Variants in TASOR2 observed in about 807,000 individuals in gnomAD.
TASOR2 encodes the protein protein TASOR 2.
Under a neutral mutation model 199.5 loss-of-function variants are expected in TASOR2, and 84 were observed. That is an observed-to-expected ratio of 0.42 (90% confidence interval 0.35 to 0.50). TASOR2 has a LOEUF of 0.50. Ranked by LOEUF, TASOR2 falls within the 20% of genes least tolerant of loss-of-function variation. The pLI, the probability that TASOR2 is intolerant of heterozygous loss-of-function variation, is 0.02. For missense variants in TASOR2, 2,796 were observed against 2,835.9 expected (o/e 0.99, Z 0.32); for synonymous variants, 1,103 against 1,046.6 (o/e 1.05, Z -1.04).
intron 7 of TASOR2, among the ~76,000 whole-genome samples, chr10:5,724,189 A>AGTAT (rs536913993): frequency 0.85 from 128,832 of 151,732 alleles, 54,772 homozygotes; most frequent in African/African-American, 0.88. Flanking sequence ...TTATTCATGT[A>AGTAT]GTATTTGTAT....
At chr10:5,714,536 T>C (rs1293421182) in intron 2 of TASOR2, 2 of 185,224 alleles carry the variant, frequency 1.1e-5, no homozygotes, top group African/African-American at 2.3e-5. Flanking sequence ...TATAAGCTTT[T>C]AAACTTACAC....
In TASOR2 at chr10:5,689,835, T is replaced by C. The variant is rs924665712; in HGVS notation, c.-288+4660T>C. 6.6e-6 allele frequency among the ~76,000 whole-genome samples: 1 copy of C among 152,204 alleles called. No homozygotes were observed. Among genetic ancestry groups the C allele is most frequent in the Non-Finnish European group, 1.5e-5 (1 of 68,042 alleles). On this transcript the variant is annotated intron_variant, in intron 1 of 20. Coordinates refer to ENST00000328090, the Ensembl canonical transcript of TASOR2. This position sits in a 1 kb window ranked among gnomAD's most constrained non-coding sequence, Gnocchi z 4.1. The stretch of plus-strand genomic sequence containing the variant: ...CACAGCTTCCCCAACAGACATACAT[T>C]GCCAAACTTGTGGATTTTTGATAAT...
intron 10 of TASOR2, among the ~76,000 whole-genome samples, chr10:5,728,516 G>C (rs1834358639): frequency 6.6e-6 from 1 of 151,764 alleles, no homozygotes; most frequent in African/African-American, 2.4e-5. Flanking sequence ...TGTGCCTCTA[G>C]TTCCAGCTAC....
rs1226936839 is a variant in TASOR2 at position 5,726,881 on chromosome 10, T to C, written c.352-4T>C. On this transcript the variant is annotated splice_polypyrimidine_tract_variant and splice_region_variant and intron_variant, in intron 8 of 20. Transcript: ENST00000328090. Reference sequence around the variant, plus strand: ...TTCAGTTGAATTTTTCCTTTTTATTTAAGGCAATCATCAAATGCTTAGAAG... The same window carrying C: ...TTCAGTTGAATTTTTCCTTTTTATTCAAGGCAATCATCAAATGCTTAGAAG... 1 of 1,613,014 alleles carries C rather than the reference T, an allele frequency of 6.2e-7. No homozygotes were observed. Among genetic ancestry groups the C allele is most frequent in the Admixed American group, 1.7e-5 (1 of 60,018 alleles).
intron 1 of TASOR2, chr10:5,712,284 G>A (rs1588676996): frequency 5.5e-6 from 4 of 730,516 alleles, no homozygotes; most frequent in Non-Finnish European, 5.6e-6. Context: ...ATATTTCTTA[G>A]TTATATAGGA....
At position 5,742,562 on chromosome 10, in the gene TASOR2, A is replaced by G. The variant is rs370727327; in HGVS notation, c.2757+36A>G. On this transcript the variant is annotated intron_variant, in intron 14 of 20. Coordinates refer to ENST00000328090, the Ensembl canonical transcript of TASOR2. This position sits in a 1 kb window ranked among gnomAD's most constrained non-coding sequence, Gnocchi z 4.2. The stretch of plus-strand genomic sequence containing the variant: ...CTGAATACCGTTAAATGTTGGCATT[A>G]TTTTTGAAGAAAAAAATGTTTATAT... 74 of 1,547,290 alleles carry G rather than the reference A, an allele frequency of 4.8e-5. No individual in the cohort carries two copies. In the African/African-American group the frequency reaches 8.9e-4, roughly 19 times the overall value.
chr10:5,708,110 CAT>C (rs1831360912), intron 1 of TASOR2, among the ~76,000 whole-genome samples: 1 of 152,148 alleles, frequency 6.6e-6, no homozygotes. Context: ...TTTTGTGAAG[CAT>C]ATGAAAATCC....
At chr10:5,749,360 T>A (rs543998748) in exon 15 of TASOR2, 1 of 1,614,242 alleles carries the variant, frequency 6.2e-7, no homozygotes, top group East Asian at 2.2e-5. Flanking sequence ...CTGGAGTATC[T>A]GCGTTTTGCA....
chr10:5,688,312 A>T (rs563384441), intron 1 of TASOR2, among the ~76,000 whole-genome samples: 1 of 151,410 alleles, frequency 6.6e-6, no homozygotes, highest in Non-Finnish European at 1.5e-5. Context: ...ACAGCCTCCA[A>T]CTCCTGGGTT....
chr10:5,762,983 T>G (rs752551016), intron 20 of TASOR2, 46 bp from the exon 22 acceptor site: 1 of 1,577,562 alleles, frequency 6.3e-7, no homozygotes, highest in Non-Finnish European at 8.7e-7. Flanking sequence ...ATATTTCTTG[T>G]TCGTATTATT....
chr10:5,688,840 C>CA (rs990465685), intron 1 of TASOR2, among the ~76,000 whole-genome samples: 2,405 of 138,022 alleles, frequency 0.017, 63 homozygotes, highest in African/African-American at 0.056. Flanking sequence ...CCCATCTTTA[C>CA]AAAAAAAAAA....
rs1250547736 is a variant in TASOR2 at position 5,699,340 on chromosome 10, A to T, written c.-287-13483A>T. The T allele has an allele frequency of 6.6e-6, 1 of 152,102 alleles. No homozygotes were observed. The highest frequency in any genetic ancestry group is 2.1e-4 in the South Asian group (1 of 4,828). The allele number at this position is 152,102 out of a possible 1,614,324, so 9.4% of individuals were successfully genotyped here. Reference sequence around the variant, plus strand: ...TAGGAACCAGTGAGGGGTGAGGAGGATAGCTAAGGGGTAGAAGGTTTCTTT... The same window carrying T: ...TAGGAACCAGTGAGGGGTGAGGAGGTTAGCTAAGGGGTAGAAGGTTTCTTT... On this transcript the variant is annotated intron_variant, in intron 1 of 20. Coordinates refer to ENST00000328090, the Ensembl canonical transcript of TASOR2. This position sits in a 1 kb window ranked among gnomAD's most constrained non-coding sequence, Gnocchi z 4.1.
At chr10:5,732,712 TA>T (rs1834999885) in intron 11 of TASOR2, among the ~76,000 whole-genome samples, 1 of 148,420 alleles carries the variant, frequency 6.7e-6, no homozygotes, top group African/African-American at 2.5e-5. Context: ...GGTGCCCCAC[TA>T]ATTTTTAAAA....
At chr10:5,756,805 T>A in intron 16 of TASOR2, 67 bp downstream of exon 17, 1 of 1,513,786 alleles carries the variant, frequency 6.6e-7, no homozygotes, top group Admixed American at 2.0e-5. Flanking sequence ...ATGCTCAGAC[T>A]CATCCCTCTT....
intron 8 of TASOR2, 26 bp downstream of exon 9, chr10:5,724,559 A>T (rs775072233): frequency 1.4e-5 from 14 of 1,036,444 alleles, no homozygotes; most frequent in Non-Finnish European, 1.7e-5. Context: ...TTAAAATATA[A>T]TTATTATGTT....
At chr10:5,691,292 G>A (rs1309443495) in intron 1 of TASOR2, among the ~76,000 whole-genome samples, 3 of 152,014 alleles carry the variant, frequency 2.0e-5, no homozygotes, top group African/African-American at 7.2e-5. Context: ...AAAAATTGTG[G>A]TGTTTATAAG....
chr10:5,746,090 A>T lies in TASOR2; in HGVS notation c.2758-89A>T, dbSNP rs1695101149. 5 of 1,351,682 alleles carry T rather than the reference A, an allele frequency of 3.7e-6. No individual in the cohort carries two copies. In the South Asian group the frequency reaches 8.8e-5, roughly 24 times the overall value. The allele number at this position is 1,351,682 out of a possible 1,614,324, so 83.7% of individuals were successfully genotyped here. The stretch of plus-strand genomic sequence containing the variant: ...CATTCACAAACTAAAATTAATTTTT[A>T]TCTTTTCTGTTCTTCACATGTACAT... On this transcript the variant is annotated intron_variant, in intron 14 of 20. Coordinates refer to ENST00000328090, the Ensembl canonical transcript of TASOR2.
intron 1 of TASOR2, among the ~76,000 whole-genome samples, chr10:5,696,399 C>G (rs922695550): frequency 6.6e-6 from 1 of 152,164 alleles, no homozygotes; most frequent in South Asian, 2.1e-4. Flanking sequence ...CTCTGTCACC[C>G]AGATTGAAGT....
exon 15 of TASOR2, chr10:5,747,141 T>C: frequency 6.2e-7 from 1 of 1,614,126 alleles, no homozygotes; most frequent in Non-Finnish European, 8.5e-7. Context: ...TAAGGAAGAA[T>C]CACAAGAATG....
Sources: gnomAD v4.1 joint callset for allele counts (sites outside exome capture counted in the v4.1 genomes callset) on GRCh38, gnomAD v4.1.1 for gene constraint, Gnocchi (gnomAD v3.1) non-coding constraint, MANE v1.5 for transcripts, NCBI Gene and HGNC (gene_info 2026-07-23, HGNC 2026-07-21) for gene names.